The following CCDC102B variants were observed in gnomAD, a reference collection of about 807,000 sequenced individuals.
CCDC102B encodes coiled-coil domain containing 102B.
Under a neutral mutation model 57.4 loss-of-function variants are expected in CCDC102B, and 75 were observed. The observed-to-expected ratio is 1.31, with a 90% confidence interval of 1.08 to 1.58. The LOEUF (loss-of-function observed/expected upper bound fraction) is 1.58, where lower values mean the gene tolerates loss of function less well. Ranked by LOEUF, CCDC102B falls within the 40% of genes most tolerant of loss-of-function variation. CCDC102B has a pLI of 0.00. For synonymous variants in CCDC102B, 206 were observed against 201.9 expected (o/e 1.02, Z -0.17); for missense variants, 636 against 582.6 (o/e 1.09, Z -0.94).
intron 6 of CCDC102B, among the ~76,000 whole-genome samples, chr18:68,957,442 T>C (rs938832240): frequency 6.6e-6 from 1 of 152,116 alleles, no homozygotes; most frequent in African/African-American, 2.4e-5. Context: ...GATTTATTTC[T>C]GGATTATCTA....
At chr18:69,000,800 T>G (rs530812905) in intron 6 of CCDC102B, among the ~76,000 whole-genome samples, 2 of 152,332 alleles carry the variant, frequency 1.3e-5, no homozygotes, top group Middle Eastern at 3.4e-3. Flanking sequence ...AATTTGAATT[T>G]TACATTTGTG....
intron 2 of CCDC102B, among the ~76,000 whole-genome samples, chr18:68,782,756 A>C (rs1463564123): frequency 6.6e-6 from 1 of 152,220 alleles, no homozygotes; most frequent in Non-Finnish European, 1.5e-5. Context: ...TGAAAATAAT[A>C]TTCATTTTTC....
At chr18:68,796,593 A>G (rs73456173), upstream of CCDC102B, among the ~76,000 whole-genome samples, 3,717 of 152,218 alleles carry the variant, frequency 0.024, 141 homozygotes, top group African/African-American at 0.084. Context: ...TATACCATTT[A>G]TATGTAGATT....
At chr18:68,854,366 C>T (rs932782185) in intron 4 of CCDC102B, among the ~76,000 whole-genome samples, 1 of 152,170 alleles carries the variant, frequency 6.6e-6, no homozygotes, top group Non-Finnish European at 1.5e-5. Context: ...TCCCAAAGGG[C>T]AGGGATTACA....
chr18:68,902,616 C>T (rs1599661594), intron 6 of CCDC102B, among the ~76,000 whole-genome samples: 2 of 152,186 alleles, frequency 1.3e-5, no homozygotes, highest in East Asian at 3.9e-4. Flanking sequence ...CACCTGAGCC[C>T]AGTGCTGTCC....
At chr18:68,915,518 A>C (rs2041040308) in intron 6 of CCDC102B, among the ~76,000 whole-genome samples, 1 of 152,238 alleles carries the variant, frequency 6.6e-6, no homozygotes, top group African/African-American at 2.4e-5. Flanking sequence ...TTGGCTGTAT[A>C]TACAATATAG....
chr18:69,026,110 G>T (rs1221569992), intron 7 of CCDC102B, among the ~76,000 whole-genome samples: 1 of 152,094 alleles, frequency 6.6e-6, no homozygotes, highest in Non-Finnish European at 1.5e-5. Context: ...GGGGGAGAAC[G>T]TGTGATTCAG....
chr18:68,890,563 C>T (rs1012226795), intron 5 of CCDC102B, among the ~76,000 whole-genome samples: 1 of 152,186 alleles, frequency 6.6e-6, no homozygotes, highest in Admixed American at 6.5e-5. Flanking sequence ...AACGCACAAG[C>T]AACTGTATAA....
chr18:69,033,315 T>C (rs561421844), intron 7 of CCDC102B, among the ~76,000 whole-genome samples: 2 of 152,254 alleles, frequency 1.3e-5, no homozygotes, highest in Admixed American at 6.5e-5. Context: ...TTTTGCCCAT[T>C]TTAAGGGTTC....
chr18:68,881,148 A>G (rs1429190796), intron 5 of CCDC102B, among the ~76,000 whole-genome samples: 2 of 152,218 alleles, frequency 1.3e-5, no homozygotes, highest in Non-Finnish European at 2.9e-5. Context: ...TGTCATTTGG[A>G]GGTGAGCAGG....
At chr18:68,899,213 T>G (rs956815971) in intron 6 of CCDC102B, among the ~76,000 whole-genome samples, 1 of 152,000 alleles carries the variant, frequency 6.6e-6, no homozygotes, top group African/African-American at 2.4e-5. Context: ...AAGCCAAAAT[T>G]CTTAGTGCAA....
intron 2 of CCDC102B, among the ~76,000 whole-genome samples, chr18:68,765,074 T>TAAATAAATAAATAAATAAATAAATAAAG (rs1053677471): frequency 4.1e-5 from 6 of 147,914 alleles, no homozygotes; most frequent in African/African-American, 1.5e-4. Flanking sequence ...AATAAATAAA[T>TAAATAAATAAATAAATAAATAAATAAAG]AAGCTGGGGA....
intron 7 of CCDC102B, among the ~76,000 whole-genome samples, chr18:69,015,154 A>G (rs927761029): frequency 1.3e-5 from 2 of 152,194 alleles, no homozygotes; most frequent in African/African-American, 4.8e-5. Context: ...TAGGAATCGT[A>G]GTATCACAGG....
intron 5 of CCDC102B, among the ~76,000 whole-genome samples, chr18:68,893,871 A>T (rs1274743816): frequency 1.3e-5 from 2 of 152,098 alleles, no homozygotes; most frequent in African/African-American, 2.4e-5. Flanking sequence ...GTGTTTGTCC[A>T]GTTTCCTTTT....
At chr18:68,776,872 G>T (rs1055267433) in intron 2 of CCDC102B, among the ~76,000 whole-genome samples, 4 of 152,058 alleles carry the variant, frequency 2.6e-5, no homozygotes, top group African/African-American at 9.7e-5. Flanking sequence ...TAGTCTCAAA[G>T]AATTCTAATA....
Position 68,820,300 on chromosome 18 carries a change from T to C in CCDC102B, c.-15-16449T>C, listed in dbSNP as rs1398915061. Among the ~76,000 whole-genome samples, 6 of 152,282 alleles carry C rather than the reference T, an allele frequency of 3.9e-5. No individual in the cohort carries two copies. In the East Asian group the frequency reaches 1.2e-3, roughly 29 times the overall value. On this transcript the variant is annotated intron_variant, in intron 1 of 7. Coordinates refer to ENST00000360242, the MANE Select transcript of CCDC102B (RefSeq NM_024781.3). ...AATTTTACCAAATGCATTTTATTCA[T>C]GTATTGGGGTGTTTCCACTTTATTT...
At chr18:68,739,016 C>G (rs1321016195) in intron 2 of CCDC102B, among the ~76,000 whole-genome samples, 2 of 112,734 alleles carry the variant, frequency 1.8e-5, no homozygotes, top group Non-Finnish European at 3.5e-5. Flanking sequence ...TTTTTTTAGA[C>G]CAGGTCTTGC....
intron 7 of CCDC102B, among the ~76,000 whole-genome samples, chr18:69,043,239 A>G (rs1380847335): frequency 1.3e-5 from 2 of 152,128 alleles, no homozygotes; most frequent in Non-Finnish European, 1.5e-5. Context: ...CTCCAGCCCT[A>G]AGGAGGTTTT....
rs946976003 is a variant in CCDC102B, at chr18:69,055,072, A to T, written c.*935A>T. The T allele has an allele frequency of 1.0e-6, 1 of 983,334 alleles. No individual in the cohort carries two copies. Among genetic ancestry groups the T allele is most frequent in the Non-Finnish European group, 1.2e-6 (1 of 828,052 alleles). The allele number at this position is 983,334 out of a possible 1,614,324, so 60.9% of individuals were successfully genotyped here. On this transcript the variant is annotated 3_prime_UTR_variant, in exon 8 of 8. Transcript: ENST00000360242. ...CTATTTTCAACTGAAGGCAACTTGT[A>T]AGATTTAACTCAGTCAATAACATAC...
Sources: gnomAD v4.1 joint callset for allele counts (sites outside exome capture counted in the v4.1 genomes callset) on GRCh38, gnomAD v4.1.1 for gene constraint, MANE v1.5 for transcripts, NCBI Gene and HGNC (gene_info 2026-07-23, HGNC 2026-07-21) for gene names.